Variants in PRKAB1 observed in about 807,000 individuals in gnomAD.
PRKAB1 encodes the protein 5'-AMP-activated protein kinase subunit beta-1.
Under a neutral mutation model 32.0 loss-of-function variants are expected in PRKAB1, and 18 were observed. The ratio of observed to expected loss-of-function variants is 0.56; its 90% CI spans 0.39 to 0.83. The LOEUF is 0.83. PRKAB1 is among the 40% of genes least tolerant of loss of function. PRKAB1 has a pLI of 0.00. For missense variants in PRKAB1, 263 were observed against 352.6 expected, an observed-to-expected ratio of 0.75 and a Z score of 2.03; for synonymous variants, 141 against 141.4, an observed-to-expected ratio of 1.00 and a Z score of 0.02.
At chr12:119,680,188 T>C in intron 6 of PRKAB1, 60 bp from the exon 7 acceptor site, 3 of 1,553,874 alleles carry the variant, frequency 1.9e-6, no homozygotes, top group South Asian at 1.1e-5. Context: ...ATGATTCTCA[T>C]GTCCTCTGAG....
In PRKAB1 at chr12:119,681,232, T is replaced by G. The variant is rs538864028; in HGVS notation, c.*907T>G. 1 of 152,318 alleles carries G rather than the reference T, an allele frequency of 6.6e-6. No homozygotes were observed. Among genetic ancestry groups the G allele is most frequent in the East Asian group, 1.9e-4 (1 of 5,178 alleles). The allele number at this position is 152,318 out of a possible 1,614,324, so 9.4% of individuals were successfully genotyped here. A position where few individuals can be genotyped will look rare whatever the true frequency, so the allele number is the denominator to read the frequency against. On this transcript the variant is annotated 3_prime_UTR_variant, in exon 7 of 7. Coordinates refer to ENST00000229328, the MANE Select transcript of PRKAB1 (RefSeq NM_006253.5). Reference sequence around the variant, plus strand: ...AATCACACAGCGTGATTTTACAAGGTCCCGTGGCACCTTGCTCAGGACCTC... The same window carrying G: ...AATCACACAGCGTGATTTTACAAGGGCCCGTGGCACCTTGCTCAGGACCTC...
chr12:119,676,722 G>C, intron 5 of PRKAB1, 52 bp downstream of exon 5: 1 of 1,587,526 alleles, frequency 6.3e-7, no homozygotes, highest in Non-Finnish European at 8.6e-7. Context: ...ATGTTCAGTT[G>C]CTTTCTTTCC....
chr12:119,669,135 A>C (rs1200438771), intron 1 of PRKAB1, among the ~76,000 whole-genome samples: 1 of 151,152 alleles, frequency 6.6e-6, no homozygotes, highest in East Asian at 1.9e-4. Flanking sequence ...AATATAAATA[A>C]AAATAAAAAA....
intron 5 of PRKAB1, chr12:119,677,214 C>G (rs1187390848): frequency 6.6e-6 from 1 of 152,324 alleles, no homozygotes; most frequent in Non-Finnish European, 1.5e-5. Flanking sequence ...CCGCCTAGCT[C>G]TGGGATGCAT....
At chr12:119,668,108 G>C (rs3182909), upstream of PRKAB1, 19,230 of 1,117,698 alleles carry the variant, frequency 0.017, 235 homozygotes, top group Non-Finnish European at 0.02. Flanking sequence ...CTCCCGGCCC[G>C]AGGGGCGTGG....
At chr12:119,675,721 A>G (rs1040360348) in intron 4 of PRKAB1, among the ~76,000 whole-genome samples, 5 of 152,144 alleles carry the variant, frequency 3.3e-5, no homozygotes, top group Non-Finnish European at 5.9e-5. Context: ...TTGCTGTGAT[A>G]TGGTTGGGTC....
At position 119,681,534 on chromosome 12, in the gene PRKAB1, T is replaced by C. The variant is rs528414587; in HGVS notation, c.*1209T>C. 7 of 152,340 alleles carry C rather than the reference T, an allele frequency of 4.6e-5. No individual in the cohort carries two copies. Among genetic ancestry groups the C allele is most frequent in the Non-Finnish European group, 4.4e-5 (3 of 68,030 alleles). 9.4% of individuals were successfully genotyped at this position (152,340 alleles called of 1,614,324 possible). ...AGTATTTACTTGGTATACCTGAGTT[T>C]GGGGGTACCCTTTTTTGTGACTTTT... On this transcript the variant is annotated 3_prime_UTR_variant, in exon 7 of 7. Coordinates refer to ENST00000229328, the MANE Select transcript of PRKAB1 (RefSeq NM_006253.5).
At chr12:119,671,237 T>A (rs1401452145) in intron 1 of PRKAB1, among the ~76,000 whole-genome samples, 2 of 152,198 alleles carry the variant, frequency 1.3e-5, no homozygotes, top group East Asian at 3.8e-4. Context: ...CTAGAATTGT[T>A]CCTCTTAAAT....
rs745730456 is a variant in PRKAB1 at position 119,672,400 on chromosome 12, G to A, written c.259G>A (p.Gly87Ser). 3.1e-6 allele frequency: 5 copies of A among 1,610,946 alleles called. No individual in the cohort carries two copies. The Admixed American group carries it at 5.0e-5, about 16-fold the overall frequency. Residue 87 changes from glycine (G) to serine (S), a missense_variant, in exon 2 of 7, where the codon GGC (glycine) becomes AGC (serine). Gly to Ser is a moderately conservative substitution (Grantham distance 56). Transcript: ENST00000229328. ...ARPTVFRWTG[G>S]GKEVYLSGSF... ...GCCAACGGTGTTTCGATGGACGGGG[G>A]GCGGAAAGGAAGTTTACTTATCTGG...
Position 119,668,656 on chromosome 12 carries a change from AAGC to A in PRKAB1, c.159+257_159+259del, listed in dbSNP as rs1250955921. 3.3e-5 allele frequency among the ~76,000 whole-genome samples: 5 copies of A among 152,340 alleles called. No individual in the cohort carries two copies. The East Asian group carries it at 5.8e-4, about 18-fold the overall frequency. On this transcript the variant is annotated intron_variant, in intron 1 of 6. Coordinates refer to ENST00000229328, the MANE Select transcript of PRKAB1 (RefSeq NM_006253.5). ...ACTTGGTTTAACATCATTAAGGAGAAAGCAGCTCTGGGACAGAGTTTCAAATTC... is the reference window on the plus strand; with the variant it reads ...ACTTGGTTTAACATCATTAAGGAGAAAGCTCTGGGACAGAGTTTCAAATTC...
At chr12:119,671,295 A>T (rs1312959930) in intron 1 of PRKAB1, among the ~76,000 whole-genome samples, 2 of 152,244 alleles carry the variant, frequency 1.3e-5, no homozygotes, top group Non-Finnish European at 2.9e-5. Flanking sequence ...ATATTCTGAG[A>T]AATACATCAT....
chr12:119,676,287 ACTGG>A (rs1254039233), intron 4 of PRKAB1, among the ~76,000 whole-genome samples: 1 of 152,144 alleles, frequency 6.6e-6, no homozygotes, highest in African/African-American at 2.4e-5. Flanking sequence ...ACGCAGACTC[ACTGG>A]CTGGGCCGTG....
chr12:119,673,567 T>G (rs145644879), intron 2 of PRKAB1, among the ~76,000 whole-genome samples: 77 of 152,348 alleles, frequency 5.1e-4, no homozygotes, highest in African/African-American at 1.8e-3. Flanking sequence ...GAGCTTCCTA[T>G]TCAATTGATC....
At chr12:119,675,638 G>T (rs278147) in intron 4 of PRKAB1, among the ~76,000 whole-genome samples, 48,473 of 152,042 alleles carry the variant, frequency 0.32, 8,235 homozygotes, top group African/African-American at 0.4. Flanking sequence ...CTTCTGTTTC[G>T]ACACTTACTT....
chr12:119,668,042 G>A, upstream of PRKAB1: 1 of 581,036 alleles, frequency 1.7e-6, no homozygotes, highest in Non-Finnish European at 2.8e-6. Flanking sequence ...GCTTGCCTGG[G>A]CAGGTAAAGC....
rs1159476003 is a variant in PRKAB1 at position 119,674,570 on chromosome 12, A to G, written c.532+116A>G. The G allele has an allele frequency of 1.5e-6, 1 of 687,556 alleles. No homozygotes were observed. The highest frequency in any genetic ancestry group is 2.4e-6 in the Non-Finnish European group (1 of 419,134). 42.6% of individuals were successfully genotyped at this position (687,556 alleles called of 1,614,324 possible). A position where few individuals can be genotyped will look rare whatever the true frequency, so the allele number is the denominator to read the frequency against. On this transcript the variant is annotated intron_variant, in intron 4 of 6. Transcript: ENST00000229328. The surrounding 1 kb of genome is among the most constrained non-coding windows in gnomAD (Gnocchi z 4.3). ...AAGCTGCCCAGTCAGATAGGCATTT[A>G]TAGCCCCCACTTAAAGGCCACAGAA...
In PRKAB1 at chr12:119,674,510, G is replaced by A; in HGVS notation, c.532+56G>A. The stretch of plus-strand genomic sequence containing the variant: ...GTGCAGGTGGGGGCTGTACAGTCTA[G>A]ACATACTCTTGTTTCTCTTGCCTCT... On this transcript the variant is annotated intron_variant, in intron 4 of 6. Coordinates refer to ENST00000229328, the MANE Select transcript of PRKAB1 (RefSeq NM_006253.5). This position sits in a 1 kb window ranked among gnomAD's most constrained non-coding sequence, Gnocchi z 4.3. 7.7e-7 allele frequency: 1 copy of A among 1,296,426 alleles called. No homozygotes were observed. The highest frequency in any genetic ancestry group is 1.3e-5 in the South Asian group (1 of 77,876). 80.3% of individuals were successfully genotyped at this position (1,296,426 alleles called of 1,614,324 possible). A position where few individuals can be genotyped will look rare whatever the true frequency, so the allele number is the denominator to read the frequency against.
Position 119,668,190 on chromosome 12 carries a change from C to G in PRKAB1, c.-55C>G, listed in dbSNP as rs950793348. On this transcript the variant is annotated 5_prime_UTR_variant, in exon 1 of 7. Transcript: ENST00000229328. Reference sequence around the variant, plus strand: ...TTCCGGGAGTCCCTTGCTCAGGGTCCCTTTCCTGCAGTGAGGCGCCGTCCG... The same window carrying G: ...TTCCGGGAGTCCCTTGCTCAGGGTCGCTTTCCTGCAGTGAGGCGCCGTCCG... 1 of 1,486,588 alleles carries G rather than the reference C, an allele frequency of 6.7e-7. No individual in the cohort carries two copies. The highest frequency in any genetic ancestry group is 2.4e-4 in the Middle Eastern group (1 of 4,100). The allele number at this position is 1,486,588 out of a possible 1,614,324, so 92.1% of individuals were successfully genotyped here. A position where few individuals can be genotyped will look rare whatever the true frequency, so the allele number is the denominator to read the frequency against.
At chr12:119,676,385 C>T (rs905263163) in intron 4 of PRKAB1, 152 bp from the exon 5 acceptor site, 1 of 992,796 alleles carries the variant, frequency 1.0e-6, no homozygotes, top group Admixed American at 2.4e-5. Context: ...CTCCTCTATT[C>T]TGCACTCTTG....
Sources: gnomAD v4.1 joint callset for allele counts (sites outside exome capture counted in the v4.1 genomes callset) on GRCh38, gnomAD v4.1.1 for gene constraint, Gnocchi (gnomAD v3.1) non-coding constraint, MANE v1.5 for transcripts, NCBI Gene and HGNC (gene_info 2026-07-23, HGNC 2026-07-21) for gene names.